SH3BP5: variants seen among roughly 807,000 people sequenced by gnomAD.
SH3BP5 encodes the protein SH3 domain binding protein 5.
SH3BP5 carries 22 observed loss-of-function variants against 43.3 expected under a neutral mutation model. The ratio of observed to expected loss-of-function variants is 0.51; its 90% CI spans 0.36 to 0.73. The LOEUF (loss-of-function observed/expected upper bound fraction) is 0.73. Among genes scored for constraint, SH3BP5 ranks in the 30% least tolerant of loss-of-function variants. The probability of loss-of-function intolerance (pLI) is 0.00; values close to 1 mark genes in which losing one functional copy is unlikely to be tolerated. For missense variants in SH3BP5, 529 were observed against 586.9 expected, an observed-to-expected ratio of 0.90 and a Z score of 1.02; for synonymous variants, 255 against 225.8, an observed-to-expected ratio of 1.13 and a Z score of -1.16.
chr3:15,269,650 TCAGGGGAAGC>T, intron 4 of SH3BP5, 53 bp downstream of exon 4: 1 of 1,471,282 alleles, frequency 6.8e-7, no homozygotes, highest in South Asian at 1.4e-5. Flanking sequence ...TTACCTCCGC[TCAGGGGAAGC>T]CAGCGCGCAT....
At chr3:15,325,557 TACA>T (rs1171923512) in intron 2 of SH3BP5, among the ~76,000 whole-genome samples, 1 of 152,246 alleles carries the variant, frequency 6.6e-6, no homozygotes, top group Non-Finnish European at 1.5e-5. Context: ...CTCCTTTGTA[TACA>T]TCAGATAACC....
At chr3:15,340,079 C>A (rs550256171) in intron 1 of SH3BP5, among the ~76,000 whole-genome samples, 1 of 152,066 alleles carries the variant, frequency 6.6e-6, no homozygotes, top group South Asian at 2.1e-4. Flanking sequence ...AAGAACAAAT[C>A]ATCTCAGCAC....
At chr3:15,260,020 A>G (rs1401440803) in intron 5 of SH3BP5, 5 of 588,288 alleles carry the variant, frequency 8.5e-6, no homozygotes, top group Middle Eastern at 2.8e-4. Flanking sequence ...GGCTATATTA[A>G]CAGGAGGCCC....
rs1268001586 is a variant in SH3BP5 at position 15,257,035 on chromosome 3, C to G, written c.968G>C (p.Ser323Thr). Residue 323 changes from serine (S) to threonine (T), a missense_variant, in exon 8 of 9, where the codon AGC (serine) becomes ACC (threonine). Physicochemically the swap from Ser to Thr is moderately conservative, Grantham distance 58. Around this residue, in one of 3 missense-constraint regions of SH3BP5, gnomAD observed 369 missense variants for 384.3 expected, o/e 0.96. Transcript: ENST00000383791. ...CGGGCTTGTTGGTCCTGAACTAAAG[C>G]TGGACACGGACTGGGTTTCCGAGTC... Reference protein sequence around the residue: ...EDDSETQSVSSFSSGPTSPSE... With the variant: ...EDDSETQSVSTFSSGPTSPSE... 5.0e-6 allele frequency: 8 copies of G among 1,614,210 alleles called. No individual in the cohort carries two copies. Among genetic ancestry groups the G allele is most frequent in the African/African-American group, 1.3e-5 (1 of 75,046 alleles).
chr3:15,272,291 G>A (rs1338935764), intron 3 of SH3BP5, among the ~76,000 whole-genome samples: 1 of 152,198 alleles, frequency 6.6e-6, no homozygotes, highest in Non-Finnish European at 1.5e-5. Flanking sequence ...CAATCAGATG[G>A]AGACCCGAAC....
In SH3BP5 at chr3:15,307,650, C is replaced by T. The variant is rs140883854; in HGVS notation, c.202-3419G>A. On this transcript the variant is annotated intron_variant, in intron 2 of 8. Coordinates refer to ENST00000383791, the MANE Select transcript of SH3BP5 (RefSeq NM_004844.5). Reference sequence around the variant, plus strand: ...CTGGTATAAAAAGAGACCCTGAGACCCTATTAAAAACCACCCAGGGAGTTT... The same window carrying T: ...CTGGTATAAAAAGAGACCCTGAGACTCTATTAAAAACCACCCAGGGAGTTT... Among the ~76,000 whole-genome samples the T allele has an allele frequency of 4.9e-4, 75 of 152,284 alleles. 1 individual carries two copies. In the East Asian group the frequency reaches 0.013, roughly 26 times the overall value.
chr3:15,326,340 A>G (rs894470625), intron 2 of SH3BP5, among the ~76,000 whole-genome samples: 1 of 152,190 alleles, frequency 6.6e-6, no homozygotes, highest in Non-Finnish European at 1.5e-5. Flanking sequence ...GGGCCTCAGG[A>G]GCAACACCTC....
chr3:15,285,670 G>T (rs753370604), intron 3 of SH3BP5, among the ~76,000 whole-genome samples: 1 of 152,208 alleles, frequency 6.6e-6, no homozygotes, highest in Non-Finnish European at 1.5e-5. Context: ...TGAAGGCACC[G>T]TGAGTCCTCA....
intron 1 of SH3BP5, among the ~76,000 whole-genome samples, chr3:15,340,788 C>T (rs1013222494): frequency 6.6e-6 from 1 of 151,928 alleles, no homozygotes; most frequent in African/African-American, 2.4e-5. Context: ...TGCAGTGGCT[C>T]ACACCTGTAA....
chr3:15,266,657 G>T (rs1409108116), intron 4 of SH3BP5, among the ~76,000 whole-genome samples: 1 of 152,218 alleles, frequency 6.6e-6, no homozygotes, highest in Non-Finnish European at 1.5e-5. Context: ...AAGGAAGGCT[G>T]CTCAACTACA....
At chr3:15,284,582 C>T (rs1697214750) in intron 3 of SH3BP5, among the ~76,000 whole-genome samples, 4 of 152,284 alleles carry the variant, frequency 2.6e-5, no homozygotes, top group Non-Finnish European at 2.9e-5. Context: ...TGTCAATGGC[C>T]CCTTCCCTGC....
At chr3:15,267,099 G>C (rs747902432) in intron 4 of SH3BP5, among the ~76,000 whole-genome samples, 1 of 152,262 alleles carries the variant, frequency 6.6e-6, no homozygotes, top group Non-Finnish European at 1.5e-5. Context: ...CCAGAAGGCA[G>C]ACAAGGGAGG....
chr3:15,303,964 G>A, intron 3 of SH3BP5, 139 bp downstream of exon 3: 1 of 675,330 alleles, frequency 1.5e-6, no homozygotes, highest in Non-Finnish European at 2.6e-6. Flanking sequence ...GAAGCAGATT[G>A]CGGGGCGGTG....
chr3:15,294,296 T>TGA (rs1697500761), intron 3 of SH3BP5, among the ~76,000 whole-genome samples: 1 of 108,350 alleles, frequency 9.2e-6, no homozygotes, highest in African/African-American at 4.5e-5. Context: ...AGTAAGTGTG[T>TGA]GTGTGTGTGT....
chr3:15,321,107 T>C (rs1698313980), intron 2 of SH3BP5, among the ~76,000 whole-genome samples: 1 of 152,236 alleles, frequency 6.6e-6, no homozygotes, highest in Non-Finnish European at 1.5e-5. Context: ...ATTTTGCTAA[T>C]GTGGTTACCA....
At chr3:15,303,856 C>T (rs936797083) in intron 3 of SH3BP5, among the ~76,000 whole-genome samples, 77 of 152,294 alleles carry the variant, frequency 5.1e-4, no homozygotes, top group African/African-American at 1.8e-3. Flanking sequence ...GACACGTCCC[C>T]TTAAGTGCAC....
intron 2 of SH3BP5, among the ~76,000 whole-genome samples, chr3:15,310,073 CCT>C (rs1167075632): frequency 2.0e-5 from 3 of 152,164 alleles, no homozygotes; most frequent in Non-Finnish European, 2.9e-5. Flanking sequence ...CTCACCCCCA[CCT>C]CTCAGTCCCT....
In SH3BP5 at chr3:15,256,283, C is replaced by T. The variant is rs757656126; in HGVS notation, c.1171G>A (p.Glu391Lys). 6.2e-7 allele frequency: 1 copy of T among 1,614,178 alleles called. No homozygotes were observed. The highest frequency in any genetic ancestry group is 1.7e-5 in the Admixed American group (1 of 60,028). ...VERGDRAEGAENKTSDKANNN... is the reference protein window; with the variant it reads ...VERGDRAEGAKNKTSDKANNN... Reference sequence around the variant, plus strand: ...TTGGCTTTGTCACTTGTTTTATTCTCTGCCCCTTCTGCCCTGTCTCCTATA... The same window carrying T: ...TTGGCTTTGTCACTTGTTTTATTCTTTGCCCCTTCTGCCCTGTCTCCTATA... Residue 391 changes from glutamate (E) to lysine (K), a missense_variant, in exon 9 of 9, where the codon GAG becomes AAG. Transcript: ENST00000383791.
chr3:15,302,977 T>G (rs1215179261), intron 3 of SH3BP5, among the ~76,000 whole-genome samples: 1 of 151,996 alleles, frequency 6.6e-6, no homozygotes, highest in East Asian at 1.9e-4. Flanking sequence ...CCCGGCTAAT[T>G]TTTGTATGTT....
Sources: gnomAD v4.1 joint callset for allele counts (sites outside exome capture counted in the v4.1 genomes callset) on GRCh38, gnomAD v4.1.1 for gene constraint, gnomAD v4.1.1 regional missense constraint, MANE v1.5 for transcripts, NCBI Gene and HGNC (gene_info 2026-07-23, HGNC 2026-07-21) for gene names.